The following CNBD1 variants were observed in gnomAD, a reference collection of about 807,000 sequenced individuals.
The protein encoded by CNBD1 is cyclic nucleotide-binding domain-containing protein 1.
CNBD1 carries 71 observed loss-of-function variants against 54.4 expected under a neutral mutation model. The observed-to-expected ratio is 1.30, with a 90% CI of 1.08 to 1.59. CNBD1 has a LOEUF of 1.59. Among genes scored for constraint, CNBD1 ranks in the 40% most tolerant of loss-of-function variants. CNBD1 has a pLI of 0.00. For missense variants in CNBD1, 659 were observed against 518.0 expected, an observed-to-expected ratio of 1.27 and a Z score of -2.64; for synonymous variants, 182 against 170.7, an observed-to-expected ratio of 1.07 and a Z score of -0.51.
chr8:87,066,067 A>G (rs911486743), intron 4 of CNBD1, among the ~76,000 whole-genome samples: 2 of 151,974 alleles, frequency 1.3e-5, no homozygotes, highest in Non-Finnish European at 2.9e-5. Context: ...AGGTTTAGTG[A>G]CCCAGTGTTG....
At chr8:87,394,042 A>C (rs75848229) in intron 2 of CNBD1, among the ~76,000 whole-genome samples, 2,023 of 151,974 alleles carry the variant, frequency 0.013, 36 homozygotes, top group African/African-American at 0.046. Context: ...AAAATAAAAT[A>C]ATAGTAACAA....
intron 4 of CNBD1, among the ~76,000 whole-genome samples, chr8:87,173,278 A>G (rs1264582644): frequency 6.6e-6 from 1 of 152,136 alleles, no homozygotes; most frequent in African/African-American, 2.4e-5. Context: ...TGATTGGTTC[A>G]TTATTTGGTT....
At chr8:87,184,224 A>G (rs1200835551) in intron 4 of CNBD1, among the ~76,000 whole-genome samples, 1 of 152,192 alleles carries the variant, frequency 6.6e-6, no homozygotes, top group Non-Finnish European at 1.5e-5. Context: ...GGCAGTGAGC[A>G]AAAGAGCTAG....
rs184086033 is a variant in CNBD1, at chr8:87,261,323, G to A, written c.772-23355G>A. Among the ~76,000 whole-genome samples the A allele has an allele frequency of 1.3e-4, 20 of 152,126 alleles. 1 individual carries two copies. Among genetic ancestry groups the A allele is most frequent in the East Asian group, 1.2e-3 (6 of 5,146 alleles). On this transcript the variant is annotated intron_variant, in intron 6 of 10. Coordinates refer to ENST00000518476, the MANE Select transcript of CNBD1 (RefSeq NM_173538.3). The stretch of plus-strand genomic sequence containing the variant: ...CAAATGGGTCCTGCAGGTACCTTGC[G>A]GGTTCAGTGCTCCTGGGGGTTGCTA...
At chr8:87,061,377 G>A (rs1165825792) in intron 4 of CNBD1, among the ~76,000 whole-genome samples, 1 of 152,160 alleles carries the variant, frequency 6.6e-6, no homozygotes, top group Non-Finnish European at 1.5e-5. Flanking sequence ...TAATAATACA[G>A]CAAATGGTCA....
chr8:87,420,259 A>G (rs573270911), intron 2 of CNBD1, among the ~76,000 whole-genome samples: 1 of 152,116 alleles, frequency 6.6e-6, no homozygotes, highest in Admixed American at 6.6e-5. Flanking sequence ...AAAATATGTC[A>G]ACTCTTGAGG....
chr8:87,348,227 T>C (rs558336651), intron 8 of CNBD1, among the ~76,000 whole-genome samples: 1 of 152,296 alleles, frequency 6.6e-6, no homozygotes, highest in South Asian at 2.1e-4. Context: ...CACTTATCTT[T>C]AAGAATTTGC....
At chr8:86,982,122 T>C (rs1808500925) in intron 4 of CNBD1, among the ~76,000 whole-genome samples, 3 of 152,160 alleles carry the variant, frequency 2.0e-5, no homozygotes, top group Admixed American at 1.3e-4. Flanking sequence ...ATATGTTATT[T>C]TACTATGGAT....
intron 2 of CNBD1, among the ~76,000 whole-genome samples, chr8:86,897,104 G>A (rs887420666): frequency 6.6e-6 from 1 of 152,106 alleles, no homozygotes; most frequent in Non-Finnish European, 1.5e-5. Flanking sequence ...AACCAATTTC[G>A]TGGGCATGTG....
chr8:87,387,213 C>G (rs1326337666), downstream of CNBD1, among the ~76,000 whole-genome samples: 1 of 152,094 alleles, frequency 6.6e-6, no homozygotes, highest in African/African-American at 2.4e-5. Context: ...AGCAAAATAA[C>G]CAGCTAACAT....
chr8:87,001,470 G>C (rs1351152295), intron 4 of CNBD1, among the ~76,000 whole-genome samples: 3 of 152,126 alleles, frequency 2.0e-5, no homozygotes, highest in African/African-American at 7.2e-5. Context: ...GTGCATATCA[G>C]ATAAAGTAGT....
intron 5 of CNBD1, among the ~76,000 whole-genome samples, chr8:87,219,477 C>G (rs1814280205): frequency 6.6e-6 from 1 of 151,872 alleles, no homozygotes; most frequent in African/African-American, 2.4e-5. Flanking sequence ...AGCTTAACCA[C>G]AAATCAATGA....
At chr8:87,393,160 GT>G (rs954110274) in intron 2 of CNBD1, among the ~76,000 whole-genome samples, 12 of 151,820 alleles carry the variant, frequency 7.9e-5, no homozygotes, top group African/African-American at 2.7e-4. Context: ...AGGCATGTTA[GT>G]TCTGCAGAGA....
At chr8:87,065,943 A>G (rs530665953) in intron 4 of CNBD1, among the ~76,000 whole-genome samples, 2 of 152,072 alleles carry the variant, frequency 1.3e-5, no homozygotes, top group Non-Finnish European at 2.9e-5. Flanking sequence ...ACAATGCACA[A>G]TGATTCCTAG....
At chr8:87,399,778 G>T (rs1807515333) in intron 2 of CNBD1, among the ~76,000 whole-genome samples, 1 of 151,946 alleles carries the variant, frequency 6.6e-6, no homozygotes, top group Non-Finnish European at 1.5e-5. Flanking sequence ...TAGTTATGGT[G>T]CTTGGACAGT....
intron 4 of CNBD1, among the ~76,000 whole-genome samples, chr8:87,138,296 T>G (rs1217982527): frequency 6.6e-6 from 1 of 152,218 alleles, no homozygotes; most frequent in Non-Finnish European, 1.5e-5. Flanking sequence ...AGAACTTTGA[T>G]GCACAAGAAT....
chr8:87,396,200 T>A (rs887015460), intron 2 of CNBD1, among the ~76,000 whole-genome samples: 1 of 151,952 alleles, frequency 6.6e-6, no homozygotes, highest in Non-Finnish European at 1.5e-5. Context: ...TCTCATTCCT[T>A]CCTTAGGACC....
At chr8:87,030,843 C>CCCCTCTCCTCCCTCTCCT (rs1275390265) in intron 4 of CNBD1, among the ~76,000 whole-genome samples, 1 of 110,414 alleles carries the variant, frequency 9.1e-6, no homozygotes, top group Non-Finnish European at 1.8e-5. Context: ...TCTCCCCCCT[C>CCCCTCTCCTCCCTCTCCT]CCCTCTCCTC....
At chr8:87,017,454 T>C (rs1009997480) in intron 4 of CNBD1, among the ~76,000 whole-genome samples, 7 of 152,216 alleles carry the variant, frequency 4.6e-5, no homozygotes, top group Non-Finnish European at 1.0e-4. Context: ...TTCTACTTGA[T>C]GGGGCATTTA....
Sources: gnomAD v4.1 joint callset for allele counts (sites outside exome capture counted in the v4.1 genomes callset) on GRCh38, gnomAD v4.1.1 for gene constraint, MANE v1.5 for transcripts, NCBI Gene and HGNC (gene_info 2026-07-23, HGNC 2026-07-21) for gene names.